CNTNAP2: variants seen among roughly 807,000 people sequenced by gnomAD.
CNTNAP2 encodes the protein contactin-associated protein-like 2.
In CNTNAP2, 98 loss-of-function variants were observed where a neutral mutation model predicts 155.2. The ratio of observed to expected loss-of-function variants is 0.63; its 90% confidence interval spans 0.54 to 0.75. The LOEUF (loss-of-function observed/expected upper bound fraction) is 0.75. Ranked by LOEUF, CNTNAP2 falls within the 30% of genes least tolerant of loss-of-function variation. The pLI is 0.00. For missense variants in CNTNAP2, 1,727 were observed against 1,688.1 expected (o/e 1.02, Z -0.40); for synonymous variants, 651 against 631.2 (o/e 1.03, Z -0.47).
chr7:147,680,746 T>A (rs1205356194), intron 13 of CNTNAP2, among the ~76,000 whole-genome samples: 2 of 151,808 alleles, frequency 1.3e-5, no homozygotes, highest in Non-Finnish European at 2.9e-5. Context: ...CCATTGCACA[T>A]GCTCTCTCTC....
At chr7:147,635,909 T>A (rs1795172801) in intron 12 of CNTNAP2, among the ~76,000 whole-genome samples, 1 of 151,764 alleles carries the variant, frequency 6.6e-6, no homozygotes. Context: ...AGAAAAAAAA[T>A]AAAAAATGGA....
chr7:147,985,589 C>T (rs967520696), intron 15 of CNTNAP2, among the ~76,000 whole-genome samples: 39 of 151,892 alleles, frequency 2.6e-4, no homozygotes, highest in Admixed American at 6.6e-4. Context: ...GAGAAAAGAT[C>T]CCCCTTGATT....
At chr7:146,250,917 TAACAA>T (rs1799746302) in intron 1 of CNTNAP2, among the ~76,000 whole-genome samples, 3 of 152,168 alleles carry the variant, frequency 2.0e-5, no homozygotes, top group African/African-American at 4.8e-5. Context: ...TTCAATAACA[TAACAA>T]GACTGTAGTT....
intron 15 of CNTNAP2, among the ~76,000 whole-genome samples, chr7:148,044,400 G>A (rs955108180): frequency 6.6e-6 from 1 of 152,082 alleles, no homozygotes; most frequent in Non-Finnish European, 1.5e-5. Context: ...GTTTACACTG[G>A]CAGATGGCCT....
intron 21 of CNTNAP2, among the ~76,000 whole-genome samples, chr7:148,308,033 C>G (rs1424694714): frequency 2.0e-5 from 3 of 152,174 alleles, no homozygotes; most frequent in African/African-American, 7.2e-5. Context: ...AAGCTGGAGT[C>G]ATGGCATAAT....
chr7:146,611,294 T>C (rs1475690081), intron 1 of CNTNAP2, among the ~76,000 whole-genome samples: 1 of 152,140 alleles, frequency 6.6e-6, no homozygotes, highest in African/African-American at 2.4e-5. Context: ...TCTCACTATG[T>C]TGCCCAGTCT....
At chr7:146,620,290 C>T (rs1490636326) in intron 1 of CNTNAP2, among the ~76,000 whole-genome samples, 1 of 152,112 alleles carries the variant, frequency 6.6e-6, no homozygotes, top group African/African-American at 2.4e-5. Flanking sequence ...ACAATCTCAT[C>T]GTGACCATGG....
intron 3 of CNTNAP2, among the ~76,000 whole-genome samples, chr7:147,016,981 G>C (rs1798735982): frequency 6.7e-6 from 1 of 150,010 alleles, no homozygotes; most frequent in South Asian, 2.1e-4. Context: ...GGATGCTTGA[G>C]AAAAATTTTC....
rs867648202 is a variant in CNTNAP2 at position 147,458,180 on chromosome 7, A to G, written c.1671-27755A>G. ...GTTACTATGTGCATCAAGAATTCTA[A>G]TGTTTTGAAAATCTGCATAATATAT... On this transcript the variant is annotated intron_variant, in intron 10 of 23. Coordinates refer to ENST00000361727, the MANE Select transcript of CNTNAP2 (RefSeq NM_014141.6). 2.0e-5 allele frequency among the ~76,000 whole-genome samples: 3 copies of G among 152,168 alleles called. No individual in the cohort carries two copies. The South Asian group carries it at 6.2e-4, about 31-fold the overall frequency.
At chr7:146,825,062 C>T (rs1803374406) in intron 2 of CNTNAP2, among the ~76,000 whole-genome samples, 1 of 151,922 alleles carries the variant, frequency 6.6e-6, no homozygotes, top group Non-Finnish European at 1.5e-5. Context: ...ATTTACAAGG[C>T]TTATCTGTCC....
At chr7:146,380,145 G>A (rs957249904) in intron 1 of CNTNAP2, among the ~76,000 whole-genome samples, 23 of 152,150 alleles carry the variant, frequency 1.5e-4, no homozygotes, top group Non-Finnish European at 2.9e-5. Flanking sequence ...CTTAGGAAAT[G>A]TTGAGAACAA....
chr7:148,012,918 G>C (rs922693480), intron 15 of CNTNAP2, among the ~76,000 whole-genome samples: 2 of 152,154 alleles, frequency 1.3e-5, no homozygotes, highest in African/African-American at 4.8e-5. Context: ...TGCTGGTTAA[G>C]GGTGAGAGAA....
chr7:148,330,790 A>AATAG (rs1797982139), intron 21 of CNTNAP2, among the ~76,000 whole-genome samples: 1 of 132,028 alleles, frequency 7.6e-6, no homozygotes, highest in African/African-American at 3.0e-5. Flanking sequence ...TGATGGATGG[A>AATAG]ATGGATGGAT....
At chr7:147,297,533 C>A (rs1387199817) in intron 8 of CNTNAP2, among the ~76,000 whole-genome samples, 1 of 152,156 alleles carries the variant, frequency 6.6e-6, no homozygotes, top group Non-Finnish European at 1.5e-5. Flanking sequence ...CCACCTCTCT[C>A]TTAAGATGAC....
At chr7:147,181,231 G>A (rs529816217) in intron 8 of CNTNAP2, among the ~76,000 whole-genome samples, 12 of 152,200 alleles carry the variant, frequency 7.9e-5, no homozygotes, top group East Asian at 3.9e-4. Flanking sequence ...ACCAGAAGCC[G>A]GAGATCCGGG....
At position 148,413,402 on chromosome 7, in the gene CNTNAP2, ATATATATATATATATATAT is replaced by A. The variant is rs1224320798; in HGVS notation, c.3797-2014_3797-1996del. On this transcript the variant is annotated intron_variant, in intron 23 of 23. Coordinates refer to ENST00000361727, the MANE Select transcript of CNTNAP2 (RefSeq NM_014141.6). ...AGTGAAACTCCGTCTCAAAAAAAAA[ATATATATATATATATATAT>A]ATATATATATATATATATATATATA... is the stretch of plus-strand genomic sequence containing the variant. 6.4e-3 allele frequency among the ~76,000 whole-genome samples: 253 copies of A among 39,480 alleles called. 59 individuals are homozygous for A. The highest frequency in any genetic ancestry group is 1.0e-2 in the Admixed American group (26 of 2,608). 25.9% of individuals were successfully genotyped at this position (39,480 alleles called of 152,430 possible).
intron 18 of CNTNAP2, among the ~76,000 whole-genome samples, chr7:148,192,874 A>T (rs1795222826): frequency 6.6e-6 from 1 of 152,220 alleles, no homozygotes; most frequent in Admixed American, 6.5e-5. Flanking sequence ...AGCAGAAATG[A>T]TTGAAAGTTC....
In CNTNAP2 at chr7:146,986,495, C is replaced by T. The variant is rs1041794160; in HGVS notation, c.403-57412C>T. Among the ~76,000 whole-genome samples, 5 of 152,132 alleles carry T rather than the reference C, an allele frequency of 3.3e-5. No individual in the cohort carries two copies. In the South Asian group the frequency reaches 8.3e-4, roughly 25 times the overall value. On this transcript the variant is annotated intron_variant, in intron 3 of 23. Transcript: ENST00000361727. ...TGCAAGTATCTTTTTCATTTAGTGA[C>T]TCATTTACCTCTGGGTAGATGCCTA...
intron 21 of CNTNAP2, among the ~76,000 whole-genome samples, chr7:148,299,051 C>T: frequency 6.6e-6 from 1 of 150,992 alleles, no homozygotes; most frequent in East Asian, 2.0e-4. Context: ...AGTGCAGTGG[C>T]ACGATCTCAG....
Sources: allele counts gnomAD v4.1 joint callset (sites outside exome capture counted in the v4.1 genomes callset), GRCh38; gene constraint gnomAD v4.1.1; transcripts MANE v1.5; gene names NCBI Gene and HGNC (gene_info 2026-07-23, HGNC 2026-07-21).